CCDC186: variants seen among roughly 807,000 people sequenced by gnomAD.
CCDC186 encodes the protein coiled-coil domain containing 186.
In CCDC186, 49 loss-of-function variants were observed where a neutral mutation model predicts 113.7. The observed-to-expected ratio is 0.43, with a 90% CI of 0.34 to 0.55. The LOEUF (loss-of-function observed/expected upper bound fraction) is 0.55. CCDC186 is among the 20% of genes least tolerant of loss of function. The probability of loss-of-function intolerance (pLI) is 0.02; values close to 1 mark genes in which losing one functional copy is unlikely to be tolerated. For synonymous variants in CCDC186, 355 were observed against 345.8 expected (o/e 1.03, Z -0.30); for missense variants, 890 against 1,011.1 (o/e 0.88, Z 1.62).
chr10:114,170,574 C>A lies in CCDC186; in HGVS notation c.-62+3441G>T, dbSNP rs114767670. On this transcript the variant is annotated intron_variant, in intron 1 of 15. Coordinates refer to ENST00000369287, the MANE Select transcript of CCDC186 (RefSeq NM_018017.4). ...CTGGCATCAAGCAATCTTCTCACCTCAACCCCCCAAAAGTGCTGTGATTAC... is the reference window on the plus strand; with the variant it reads ...CTGGCATCAAGCAATCTTCTCACCTAAACCCCCCAAAAGTGCTGTGATTAC... 6.1e-3 allele frequency among the ~76,000 whole-genome samples: 933 copies of A among 152,290 alleles called. 8 individuals are homozygous for A. The highest frequency in any genetic ancestry group is 0.021 in the African/African-American group (889 of 41,562).
chr10:114,139,581 A>G (rs1158797789), intron 6 of CCDC186, among the ~76,000 whole-genome samples: 2 of 150,358 alleles, frequency 1.3e-5, no homozygotes, highest in Non-Finnish European at 3.0e-5. Context: ...AAAAGAAAAG[A>G]AAAAAAAACA....
At chr10:114,154,147 G>T (rs533110332) in intron 3 of CCDC186, among the ~76,000 whole-genome samples, 10 of 150,484 alleles carry the variant, frequency 6.6e-5, no homozygotes, top group African/African-American at 2.0e-4. Flanking sequence ...ATAGGTAGAG[G>T]TTGCAGTGAA....
chr10:114,164,157 G>A (rs189953510), intron 1 of CCDC186, among the ~76,000 whole-genome samples: 25 of 118,110 alleles, frequency 2.1e-4, no homozygotes, highest in Admixed American at 4.5e-4. Flanking sequence ...TCTCACTGTC[G>A]TTGCCCGGGC....
chr10:114,125,896 A>G lies in CCDC186; in HGVS notation c.2603T>C (p.Ile868Thr). 2 of 1,613,584 alleles carry G rather than the reference A, an allele frequency of 1.2e-6. No individual in the cohort carries two copies. Among genetic ancestry groups the G allele is most frequent in the East Asian group, 2.2e-5 (1 of 44,850 alleles). The part of the protein sequence containing the change: ...AVLEDTLLKN[I>T]TLKENLQTLG... The stretch of plus-strand genomic sequence containing the variant: ...GAGAAACACAAATACCTTCAAAGTA[A>G]TATTTTTTAGTAACGTATCCTCCAA... The change falls in exon 15 of 16, where the codon ATT becomes ACT. Residue 868 changes from isoleucine to threonine, a missense_variant. Coordinates refer to ENST00000369287, the MANE Select transcript of CCDC186 (RefSeq NM_018017.4).
Position 114,124,910 on chromosome 10 carries a change from A to G in CCDC186, c.*233T>C, listed in dbSNP as rs1462514096. 6.6e-5 allele frequency: 25 copies of G among 380,390 alleles called. No homozygotes were observed. In the East Asian group the frequency reaches 9.3e-4, roughly 14 times the overall value. The allele number at this position is 380,390 out of a possible 1,614,324, so 23.6% of individuals were successfully genotyped here. On this transcript the variant is annotated 3_prime_UTR_variant, in exon 16 of 16. Transcript: ENST00000369287. The stretch of plus-strand genomic sequence containing the variant: ...AAGCAAATTAAGTTGTTTAGATTCA[A>G]TGACAGGCTGTCATATTGCACCATA...
At position 114,121,277 on chromosome 10, in the gene CCDC186, A is replaced by T. The variant is rs1049027881; in HGVS notation, c.*3866T>A. On this transcript the variant is annotated 3_prime_UTR_variant, in exon 16 of 16. Coordinates refer to ENST00000369287, the MANE Select transcript of CCDC186 (RefSeq NM_018017.4). Reference sequence around the variant, plus strand: ...GTGTCAAAAAAAATTGCTTTTAAAAAAAGGTTATTGAAAAATAGGCTACAT... The same window carrying T: ...GTGTCAAAAAAAATTGCTTTTAAAATAAGGTTATTGAAAAATAGGCTACAT... The T allele has an allele frequency of 6.6e-6, 1 of 152,230 alleles. No homozygotes were observed. Among genetic ancestry groups the T allele is most frequent in the Non-Finnish European group, 1.5e-5 (1 of 68,024 alleles). The allele number at this position is 152,230 out of a possible 1,614,324, so 9.4% of individuals were successfully genotyped here. A position where few individuals can be genotyped will look rare whatever the true frequency, so the allele number is the denominator to read the frequency against.
chr10:114,164,110 A>ATTTTTTTTTTTTTTTTTTT (rs1218024203), intron 1 of CCDC186, among the ~76,000 whole-genome samples: 1 of 103,332 alleles, frequency 9.7e-6, no homozygotes, highest in Non-Finnish European at 2.0e-5. Flanking sequence ...GTGTATATAT[A>ATTTTTTTTTTTTTTTTTTT]TATATTTTTT....
chr10:114,135,286 A>T (rs2031221502), intron 9 of CCDC186, among the ~76,000 whole-genome samples: 1 of 152,148 alleles, frequency 6.6e-6, no homozygotes, highest in Non-Finnish European at 1.5e-5. Context: ...TCCTCACCTG[A>T]AAAAGAATAT....
rs1287593516 is a variant in CCDC186, at chr10:114,121,959, G to A, written c.*3184C>T. On this transcript the variant is annotated 3_prime_UTR_variant, in exon 16 of 16. Transcript: ENST00000369287. ...CCTGGGTAGCTGGGACCCCAGCCAT[G>A]TGCCACTGCATCTGGCTAATTTTTT... 1 of 152,268 alleles carries A rather than the reference G, an allele frequency of 6.6e-6. No homozygotes were observed. Among genetic ancestry groups the A allele is most frequent in the Non-Finnish European group, 1.5e-5 (1 of 68,156 alleles). 9.4% of individuals were successfully genotyped at this position (152,268 alleles called of 1,614,324 possible). A position where few individuals can be genotyped will look rare whatever the true frequency, so the allele number is the denominator to read the frequency against.
intron 3 of CCDC186, among the ~76,000 whole-genome samples, chr10:114,153,510 G>A (rs2031914971): frequency 6.6e-6 from 1 of 152,174 alleles, no homozygotes; most frequent in Non-Finnish European, 1.5e-5. Context: ...AGGGGGCCAG[G>A]CGGGGTGGCT....
At chr10:114,141,125 C>T (rs886679530) in intron 6 of CCDC186, among the ~76,000 whole-genome samples, 3 of 151,838 alleles carry the variant, frequency 2.0e-5, no homozygotes, top group Non-Finnish European at 4.4e-5. Context: ...AAACTCCTGA[C>T]CTCAAGCAAT....
At chr10:114,142,136 A>G (rs2031489325) in intron 6 of CCDC186, among the ~76,000 whole-genome samples, 1 of 152,204 alleles carries the variant, frequency 6.6e-6, no homozygotes. Context: ...TAAACAAACC[A>G]TTTAAGAATG....
At chr10:114,133,775 A>C (rs551575775) in intron 10 of CCDC186, among the ~76,000 whole-genome samples, 1 of 152,350 alleles carries the variant, frequency 6.6e-6, no homozygotes, top group Admixed American at 6.5e-5. Flanking sequence ...ATGTTGGGGT[A>C]AAAGCTAGAA....
chr10:114,171,355 A>G (rs2032488887), intron 1 of CCDC186, among the ~76,000 whole-genome samples: 1 of 151,994 alleles, frequency 6.6e-6, no homozygotes, highest in Non-Finnish European at 1.5e-5. Flanking sequence ...TGGGAAACAT[A>G]GCAAGACCTG....
chr10:114,154,044 C>CAG lies in CCDC186; in HGVS notation c.760-2825_760-2824insCT, dbSNP rs1408093758. Among the ~76,000 whole-genome samples the CAG allele has an allele frequency of 8.6e-5, 13 of 151,214 alleles. No individual in the cohort carries two copies. The East Asian group carries it at 2.3e-3, about 27-fold the overall frequency. On this transcript the variant is annotated intron_variant, in intron 3 of 15. Coordinates refer to ENST00000369287, the MANE Select transcript of CCDC186 (RefSeq NM_018017.4). Reference sequence around the variant, plus strand: ...GGGAAACATAGTGAAAACCCATCTCCACAAAAAAATACAAAAATTAGCTGG... The same window carrying CAG: ...GGGAAACATAGTGAAAACCCATCTCCAGACAAAAAAATACAAAAATTAGCTGG...
intron 12 of CCDC186, 56 bp from the exon 13 acceptor site, chr10:114,130,027 T>C (rs2031037837): frequency 2.0e-6 from 3 of 1,516,272 alleles, no homozygotes; most frequent in East Asian, 4.6e-5. Context: ...GCTCCTACCA[T>C]CTCTGACTTT....
intron 14 of CCDC186, among the ~76,000 whole-genome samples, chr10:114,126,924 G>A (rs1257739278): frequency 2.0e-5 from 3 of 152,156 alleles, no homozygotes; most frequent in Admixed American, 6.5e-5. Context: ...TCCAGCTCTA[G>A]GTCTGTCACA....
At chr10:114,155,931 T>C (rs2031997441) in intron 3 of CCDC186, among the ~76,000 whole-genome samples, 1 of 151,928 alleles carries the variant, frequency 6.6e-6, no homozygotes, top group Non-Finnish European at 1.5e-5. Flanking sequence ...ATAGTGCAGA[T>C]CTAGAAATAA....
chr10:114,131,110 A>G (rs750395925), intron 12 of CCDC186, 37 bp downstream of exon 12: 5 of 1,360,502 alleles, frequency 3.7e-6, no homozygotes, highest in Non-Finnish European at 4.8e-6. Flanking sequence ...AAAAGAAACA[A>G]ACACATTCAT....
Sources: gnomAD v4.1 joint callset for allele counts (sites outside exome capture counted in the v4.1 genomes callset) on GRCh38, gnomAD v4.1.1 for gene constraint, MANE v1.5 for transcripts, NCBI Gene and HGNC (gene_info 2026-07-23, HGNC 2026-07-21) for gene names.